The following TUSC3 variants were observed in gnomAD, a reference collection of about 807,000 sequenced individuals.
The protein encoded by TUSC3 is dolichyl-diphosphooligosaccharide--protein glycosyltransferase subunit TUSC3.
Under a neutral mutation model 44.8 loss-of-function variants are expected in TUSC3, and 45 were observed. The observed-to-expected ratio is 1.00, with a 90% CI of 0.79 to 1.29. The LOEUF (loss-of-function observed/expected upper bound fraction) is 1.29. Ranked by LOEUF, TUSC3 falls within the 50% of genes most tolerant of loss-of-function variation. The pLI is 0.00. For missense variants in TUSC3, 519 were observed against 437.9 expected, an observed-to-expected ratio of 1.19 and a Z score of -1.65; for synonymous variants, 212 against 152.9, an observed-to-expected ratio of 1.39 and a Z score of -2.85.
At chr8:15,506,394 G>A (rs972296523) in intron 2 of TUSC3, among the ~76,000 whole-genome samples, 2 of 152,166 alleles carry the variant, frequency 1.3e-5, no homozygotes, top group African/African-American at 2.4e-5. Flanking sequence ...CCACATTTCT[G>A]TGTAAAAACG....
the TUSC3 span, among the ~76,000 whole-genome samples, chr8:15,772,957 C>G: frequency 4.2e-5 from 1 of 23,808 alleles, no homozygotes; most frequent in Non-Finnish European, 9.2e-5. Context: ...AATACCCATC[C>G]ATCATTTAAA....
chr8:15,603,856 T>C (rs1031176518), intron 1 of TUSC3, among the ~76,000 whole-genome samples: 11 of 151,530 alleles, frequency 7.3e-5, no homozygotes, highest in African/African-American at 2.7e-4. Flanking sequence ...AAGATGTTTT[T>C]CCCCTTTTTC....
chr8:15,652,445 T>G (rs1436883086), intron 3 of TUSC3, among the ~76,000 whole-genome samples: 1 of 152,172 alleles, frequency 6.6e-6, no homozygotes, highest in Non-Finnish European at 1.5e-5. Context: ...TTAGGATATT[T>G]CTTTATATTC....
chr8:15,691,385 T>G (rs1402860366), intron 6 of TUSC3, among the ~76,000 whole-genome samples: 1 of 152,188 alleles, frequency 6.6e-6, no homozygotes, highest in Non-Finnish European at 1.5e-5. Flanking sequence ...CTGAAGTTGT[T>G]TAGCAGATCA....
upstream of TUSC3, among the ~76,000 whole-genome samples, chr8:15,538,121 A>T (rs1478057984): frequency 6.6e-6 from 1 of 152,222 alleles, no homozygotes; most frequent in Non-Finnish European, 1.5e-5. Context: ...TGGTTATACA[A>T]CTAGGGACCT....
chr8:15,749,396 C>T (rs534793166), intron 9 of TUSC3, among the ~76,000 whole-genome samples: 1 of 152,198 alleles, frequency 6.6e-6, no homozygotes, highest in East Asian at 1.9e-4. Context: ...GGAGATCTGA[C>T]TTTGGGATTA....
intron 1 of TUSC3, among the ~76,000 whole-genome samples, chr8:15,468,789 C>G (rs1179366113): frequency 6.6e-6 from 1 of 152,002 alleles, no homozygotes. Flanking sequence ...CAAGGGATTC[C>G]TCTCTGTCTT....
intron 4 of TUSC3, among the ~76,000 whole-genome samples, chr8:15,661,384 A>C (rs1237009428): frequency 6.6e-6 from 1 of 151,974 alleles, no homozygotes; most frequent in Non-Finnish European, 1.5e-5. Context: ...TCTCTTTAAA[A>C]ACATTGACAC....
At position 15,529,326 on chromosome 8, in the gene TUSC3, A is replaced by G. The variant is rs148233760; in HGVS notation, n.189+45843A>G. On this transcript the variant is annotated intron_variant and non_coding_transcript_variant, in intron 2 of 5. Transcript: ENST00000503191. ...AACAATAATGAAAAGATCATATGCA[A>G]AGGCTTTTGATAAATGCTATTAAAT... 3.3e-3 allele frequency among the ~76,000 whole-genome samples: 507 copies of G among 152,286 alleles called. 4 individuals are homozygous for G. Among genetic ancestry groups the G allele is most frequent in the African/African-American group, 0.012 (486 of 41,570 alleles).
intron 1 of TUSC3, among the ~76,000 whole-genome samples, chr8:15,423,265 T>C (rs920793003): frequency 6.6e-6 from 1 of 152,224 alleles, no homozygotes; most frequent in Non-Finnish European, 1.5e-5. Flanking sequence ...TCTGCATCTA[T>C]GATAATGAGA....
chr8:15,504,578 GATATATATAT>G lies in TUSC3; in HGVS notation n.189+21130_189+21139del, dbSNP rs1158864721. ...TAATCCTATTAAAGGCAACTTTCAG[GATATATATAT>G]ATATATATATATATATATATATATA... is the stretch of plus-strand genomic sequence containing the variant. On this transcript the variant is annotated intron_variant and non_coding_transcript_variant, in intron 2 of 5. Coordinates refer to the TUSC3 transcript ENST00000503191. 7.8e-3 allele frequency among the ~76,000 whole-genome samples: 260 copies of G among 33,378 alleles called. 1 individual carries two copies. Among genetic ancestry groups the G allele is most frequent in the South Asian group, 0.02 (11 of 556 alleles). 21.9% of individuals were successfully genotyped at this position (33,378 alleles called of 152,430 possible).
intron 1 of TUSC3, among the ~76,000 whole-genome samples, chr8:15,585,825 C>T (rs1803576842): frequency 6.6e-6 from 1 of 152,152 alleles, no homozygotes; most frequent in African/African-American, 2.4e-5. Context: ...AACGGAGGAC[C>T]CACCCTAACT....
At chr8:15,704,340 A>T (rs893438377) in intron 6 of TUSC3, among the ~76,000 whole-genome samples, 1 of 149,990 alleles carries the variant, frequency 6.7e-6, no homozygotes, top group African/African-American at 2.5e-5. Flanking sequence ...ATATGATTAG[A>T]GTGACACGGT....
At chr8:15,546,546 C>G (rs1392476406) in intron 1 of TUSC3, among the ~76,000 whole-genome samples, 1 of 150,986 alleles carries the variant, frequency 6.6e-6, no homozygotes, top group African/African-American at 2.4e-5. Flanking sequence ...TTTCTTTTTT[C>G]TTTTGGGAGA....
chr8:15,741,984 A>G (rs962542734), intron 7 of TUSC3, among the ~76,000 whole-genome samples: 10 of 152,152 alleles, frequency 6.6e-5, no homozygotes, highest in African/African-American at 2.2e-4. Flanking sequence ...ACAATGTCCC[A>G]TGTCTGTGGA....
the TUSC3 span, among the ~76,000 whole-genome samples, chr8:15,823,751 A>C: frequency 6.6e-6 from 1 of 152,148 alleles, no homozygotes; most frequent in Non-Finnish European, 1.5e-5. Context: ...TGTTGAAATC[A>C]TGTTCTTAAT....
At chr8:15,808,310 T>A in the TUSC3 span, among the ~76,000 whole-genome samples, 1 of 152,136 alleles carries the variant, frequency 6.6e-6, no homozygotes, top group Non-Finnish European at 1.5e-5. Flanking sequence ...TTTAATATAT[T>A]AAACATAAAA....
chr8:15,711,092 C>G (rs1231163842), intron 6 of TUSC3, among the ~76,000 whole-genome samples: 2 of 151,594 alleles, frequency 1.3e-5, no homozygotes, highest in Non-Finnish European at 2.9e-5. Context: ...CAGTAGTCCC[C>G]AAACTACTAC....
chr8:15,782,084 G>A, the TUSC3 span, among the ~76,000 whole-genome samples: 188 of 152,290 alleles, frequency 1.2e-3, no homozygotes, highest in African/African-American at 4.4e-3. Context: ...ACAGTGAGCC[G>A]AGATCGTGCC....
Sources: gnomAD v4.1 joint callset for allele counts (sites outside exome capture counted in the v4.1 genomes callset) on GRCh38, gnomAD v4.1.1 for gene constraint, MANE v1.5 for transcripts, NCBI Gene and HGNC (gene_info 2026-07-23, HGNC 2026-07-21) for gene names.